Variants in CLASP2 observed in about 807,000 individuals in gnomAD.
CLASP2 encodes the protein cytoplasmic linker associated protein 2.
In CLASP2, 47 loss-of-function variants were observed where a neutral mutation model predicts 194.4. The observed-to-expected ratio is 0.24, with a 90% CI of 0.19 to 0.31. CLASP2 has a LOEUF of 0.31. Among genes scored for constraint, CLASP2 ranks in the 10% least tolerant of loss-of-function variants. The pLI, the probability that CLASP2 is intolerant of heterozygous loss-of-function variation, is 1.00. For missense variants in CLASP2, 1,445 were observed against 1,823.6 expected, an observed-to-expected ratio of 0.79 and a Z score of 3.78; for synonymous variants, 619 against 633.5, an observed-to-expected ratio of 0.98 and a Z score of 0.34.
Position 33,612,144 on chromosome 3 carries a change from A to G in CLASP2, c.1318-73T>C. The G allele has an allele frequency of 4.5e-6, 4 of 890,772 alleles. No individual in the cohort carries two copies. In the South Asian group the frequency reaches 4.5e-5, roughly 10 times the overall value. The allele number at this position is 890,772 out of a possible 1,614,324, so 55.2% of individuals were successfully genotyped here. On this transcript the variant is annotated intron_variant, in intron 12 of 38. Coordinates refer to ENST00000682230, the MANE Select transcript of CLASP2 (RefSeq NM_001365631.1). ...TGGTCCTTTCTTCTATTTGCCTTAC[A>G]TTCAAGTATTTAGTTATGTTACAAG...
chr3:33,563,286 C>T (rs1024094568), intron 27 of CLASP2, among the ~76,000 whole-genome samples: 3 of 152,146 alleles, frequency 2.0e-5, no homozygotes, highest in Non-Finnish European at 4.4e-5. Flanking sequence ...CCTCTTACTT[C>T]CCTTCTTTCT....
intron 13 of CLASP2, among the ~76,000 whole-genome samples, chr3:33,611,579 C>T (rs576023243): frequency 6.6e-6 from 1 of 152,280 alleles, no homozygotes; most frequent in Non-Finnish European, 1.5e-5. Context: ...CTACATTCTA[C>T]TAATGTGTAT....
At chr3:33,698,447 A>C (rs2092121823) in intron 1 of CLASP2, among the ~76,000 whole-genome samples, 1 of 152,090 alleles carries the variant, frequency 6.6e-6, no homozygotes, top group South Asian at 2.1e-4. Flanking sequence ...AAAAACAAAG[A>C]ATGACGCTGT....
intron 1 of CLASP2, among the ~76,000 whole-genome samples, chr3:33,706,760 G>A (rs927698484): frequency 4.6e-5 from 7 of 151,950 alleles, no homozygotes; most frequent in Non-Finnish European, 7.4e-5. Context: ...CCAGGAGTTC[G>A]AGACCAGCCT....
chr3:33,551,982 G>A (rs1180221434), intron 29 of CLASP2, among the ~76,000 whole-genome samples: 1 of 150,096 alleles, frequency 6.7e-6, no homozygotes, highest in African/African-American at 2.5e-5. Context: ...CACACAATGA[G>A]ATGAGGTTCC....
intron 1 of CLASP2, among the ~76,000 whole-genome samples, chr3:33,715,843 TAAGTA>T (rs1280402918): frequency 3.6e-5 from 4 of 109,788 alleles, no homozygotes; most frequent in Non-Finnish European, 5.4e-5. Context: ...TATTGTATCT[TAAGTA>T]AAAAAAAAAA....
chr3:33,550,992 G>C (rs988859418), intron 30 of CLASP2, among the ~76,000 whole-genome samples: 1 of 152,202 alleles, frequency 6.6e-6, no homozygotes, highest in Admixed American at 6.5e-5. Flanking sequence ...AATGCAAGGG[G>C]AATGATTTGA....
intron 1 of CLASP2, among the ~76,000 whole-genome samples, chr3:33,713,056 A>G (rs1003196992): frequency 6.7e-6 from 1 of 149,864 alleles, no homozygotes; most frequent in Non-Finnish European, 1.5e-5. Flanking sequence ...GTGAATCACC[A>G]GCAACCATAC....
intron 1 of CLASP2, among the ~76,000 whole-genome samples, chr3:33,705,664 G>A (rs2092643522): frequency 6.6e-6 from 1 of 151,984 alleles, no homozygotes; most frequent in African/African-American, 2.4e-5. Context: ...AATATACTTA[G>A]GAATCTATCC....
chr3:33,645,822 C>A (rs747142286), intron 7 of CLASP2, among the ~76,000 whole-genome samples: 1 of 151,902 alleles, frequency 6.6e-6, no homozygotes, highest in Non-Finnish European at 1.5e-5. Context: ...CCATAGAAAC[C>A]AAACAAAACA....
At chr3:33,626,390 A>T (rs2078055178) in intron 10 of CLASP2, among the ~76,000 whole-genome samples, 1 of 152,168 alleles carries the variant, frequency 6.6e-6, no homozygotes, top group South Asian at 2.1e-4. Flanking sequence ...TCACAAATTT[A>T]AAAAATATAT....
At chr3:33,682,982 T>G (rs572188878) in intron 6 of CLASP2, 4 of 152,330 alleles carry the variant, frequency 2.6e-5, no homozygotes, top group African/African-American at 9.6e-5. Context: ...ATTTTGCAAT[T>G]GTAAGAACCC....
chr3:33,541,996 ATC>A (rs779615347), intron 32 of CLASP2, among the ~76,000 whole-genome samples: 15 of 152,298 alleles, frequency 9.8e-5, no homozygotes, highest in South Asian at 4.1e-4. Flanking sequence ...CCTTGCCAGC[ATC>A]TGTTATTTTT....
intron 8 of CLASP2, among the ~76,000 whole-genome samples, chr3:33,639,848 C>T (rs1279863110): frequency 6.6e-6 from 1 of 152,178 alleles, no homozygotes; most frequent in South Asian, 2.1e-4. Flanking sequence ...GTATGATATG[C>T]AGTATTACTT....
intron 27 of CLASP2, among the ~76,000 whole-genome samples, chr3:33,562,607 C>A (rs1169875279): frequency 6.6e-6 from 1 of 152,158 alleles, no homozygotes; most frequent in Non-Finnish European, 1.5e-5. Flanking sequence ...CATATCAGAG[C>A]TTCCTGCCTC....
At position 33,663,472 on chromosome 3, in the gene CLASP2, C is replaced by T. The variant is rs754343395; in HGVS notation, c.688G>A (p.Gly230Ser). 8 of 1,612,502 alleles carry T rather than the reference C, an allele frequency of 5.0e-6. No individual in the cohort carries two copies. In the African/African-American group the frequency reaches 1.1e-4, roughly 22 times the overall value. Reference sequence around the variant, plus strand: ...TTGCAGACACTCAAAATCATACCGCCTGAACTTTGCACTTCATCAAATTTG... The same window carrying T: ...TTGCAGACACTCAAAATCATACCGCTTGAACTTTGCACTTCATCAAATTTG... Reference protein sequence around the residue: ...FAKFDEVQSSGGMILSVCKDK... With the variant: ...FAKFDEVQSSSGMILSVCKDK... The change falls in exon 7 of 39, where the codon GGC becomes AGC. Residue 230 changes from glycine (G) to serine (S), a missense_variant. Physicochemically the swap from Gly to Ser is moderately conservative, Grantham distance 56. Transcript: ENST00000682230.
At chr3:33,600,321 T>A (rs928867605) in intron 18 of CLASP2, among the ~76,000 whole-genome samples, 1 of 152,224 alleles carries the variant, frequency 6.6e-6, no homozygotes, top group Non-Finnish European at 1.5e-5. Flanking sequence ...TCCAGTTTTT[T>A]AATCGTCAGG....
At chr3:33,713,858 A>T (rs1177868525) in intron 1 of CLASP2, among the ~76,000 whole-genome samples, 1 of 152,098 alleles carries the variant, frequency 6.6e-6, no homozygotes, top group Non-Finnish European at 1.5e-5. Context: ...AACTTACTCT[A>T]TGGTTGCAGA....
At chr3:33,626,952 A>G in intron 10 of CLASP2, 36 bp downstream of exon 10, 1 of 1,256,992 alleles carries the variant, frequency 8.0e-7, no homozygotes, top group South Asian at 1.3e-5. Flanking sequence ...ACATCAATAA[A>G]GAAAGAAGAT....
Sources: gnomAD v4.1 joint callset for allele counts (sites outside exome capture counted in the v4.1 genomes callset) on GRCh38, gnomAD v4.1.1 for gene constraint, MANE v1.5 for transcripts, NCBI Gene and HGNC (gene_info 2026-07-23, HGNC 2026-07-21) for gene names.